Variants in SAMMSON observed in about 807,000 individuals in gnomAD.
SAMMSON encodes the protein survival associated mitochondrial melanoma specific oncogenic non-coding RNA, also known as long intergenic non-protein coding RNA 1212.
At chr3:70,059,086 C>G (rs1180283414) in intron 3 of SAMMSON, among the ~76,000 whole-genome samples, 2 of 152,054 alleles carry the variant, frequency 1.3e-5, no homozygotes, top group African/African-American at 2.4e-5. Context: ...TAACAAGGAG[C>G]TCGTTCTACC....
intron 4 of SAMMSON, among the ~76,000 whole-genome samples, chr3:70,077,189 C>A (rs553849429): frequency 1.3e-4 from 20 of 152,216 alleles, no homozygotes; most frequent in Admixed American, 8.5e-4. Context: ...AAAACTTGCT[C>A]AAATTATAAG....
intron 9 of SAMMSON, among the ~76,000 whole-genome samples, chr3:70,369,490 T>A (rs1480384697): frequency 2.6e-5 from 4 of 151,546 alleles, no homozygotes; most frequent in Non-Finnish European, 5.9e-5. Context: ...CAGTTTAATT[T>A]TTTTTCCGTA....
intron 3 of SAMMSON, among the ~76,000 whole-genome samples, chr3:70,036,388 ACTGT>A (rs2067085184): frequency 1.3e-5 from 2 of 152,050 alleles, no homozygotes; most frequent in South Asian, 2.1e-4. Context: ...GCTCTCCCCC[ACTGT>A]CTGCTCACAT....
chr3:70,028,203 C>T (rs2067050579), intron 3 of SAMMSON, among the ~76,000 whole-genome samples: 1 of 147,932 alleles, frequency 6.8e-6, no homozygotes, highest in Non-Finnish European at 1.5e-5. Context: ...TTCTTTCTTT[C>T]TCTCTTTCTT....
intron 1 of SAMMSON, among the ~76,000 whole-genome samples, chr3:70,009,825 T>C (rs1300094794): frequency 6.6e-6 from 1 of 150,596 alleles, no homozygotes; most frequent in Non-Finnish European, 1.5e-5. Flanking sequence ...TCCCAGAGAT[T>C]CTGGTATGTT....
Position 70,288,249 on chromosome 3 carries a change from G to T in SAMMSON, n.675-2930G>T, listed in dbSNP as rs867877959. ...CTTTGAATGCATCCCAGAGATTCTG[G>T]TATGTTGTGTCTTTGTTCTCGTTGG... On this transcript the variant is annotated intron_variant and non_coding_transcript_variant, in intron 6 of 9. Coordinates refer to ENST00000642114, the Ensembl canonical transcript of SAMMSON. 3.7e-4 allele frequency among the ~76,000 whole-genome samples: 47 copies of T among 128,306 alleles called. 1 individual carries two copies. In the South Asian group the frequency reaches 0.015, roughly 41 times the overall value. 84.2% of individuals were successfully genotyped at this position (128,306 alleles called of 152,430 possible). A position where few individuals can be genotyped will look rare whatever the true frequency, so the allele number is the denominator to read the frequency against.
At chr3:70,173,886 A>T (rs1012983405) in intron 4 of SAMMSON, among the ~76,000 whole-genome samples, 3 of 151,988 alleles carry the variant, frequency 2.0e-5, no homozygotes, top group African/African-American at 7.2e-5. Context: ...GTTGCAGGGA[A>T]ATAATATAGA....
At chr3:70,218,904 G>A (rs1232202112) in intron 4 of SAMMSON, among the ~76,000 whole-genome samples, 1 of 151,996 alleles carries the variant, frequency 6.6e-6, no homozygotes, top group Non-Finnish European at 1.5e-5. Flanking sequence ...ATATTTTAGA[G>A]TGTTAAAATA....
At chr3:70,167,462 C>T in intron 4 of SAMMSON, among the ~76,000 whole-genome samples, 1 of 151,898 alleles carries the variant, frequency 6.6e-6, no homozygotes, top group East Asian at 1.9e-4. Flanking sequence ...CTAAACGTAA[C>T]ATAATATATA....
At chr3:70,240,854 A>T (rs1339110928) in intron 4 of SAMMSON, among the ~76,000 whole-genome samples, 3 of 152,172 alleles carry the variant, frequency 2.0e-5, no homozygotes, top group African/African-American at 7.2e-5. Context: ...ATTCAGTAAT[A>T]TAGGCCCATA....
Position 70,278,756 on chromosome 3 carries a change from A to G in SAMMSON, n.675-12423A>G, listed in dbSNP as rs1702052429. 2.6e-5 allele frequency among the ~76,000 whole-genome samples: 4 copies of G among 152,252 alleles called. No homozygotes were observed. In the South Asian group the frequency reaches 8.3e-4, roughly 32 times the overall value. ...ACATCTAAGTTGGTGCTCTATTTCT[A>G]CCAAGTAATAACTAGGAGGCCTTAA... is the stretch of plus-strand genomic sequence containing the variant. On this transcript the variant is annotated intron_variant and non_coding_transcript_variant, in intron 6 of 9. Coordinates refer to ENST00000642114, the Ensembl canonical transcript of SAMMSON.
chr3:70,335,722 A>G (rs973908919), intron 7 of SAMMSON, among the ~76,000 whole-genome samples: 2 of 151,990 alleles, frequency 1.3e-5, no homozygotes, highest in Non-Finnish European at 2.9e-5. Flanking sequence ...GTTAAATTCA[A>G]TTTACCACCA....
intron 2 of SAMMSON, among the ~76,000 whole-genome samples, chr3:70,403,144 A>G (rs1488935057): frequency 6.6e-6 from 1 of 152,120 alleles, no homozygotes; most frequent in African/African-American, 2.4e-5. Flanking sequence ...TTGCATAATG[A>G]GCAATGAAAT....
chr3:70,405,557 A>T (rs1275260231), intron 2 of SAMMSON, among the ~76,000 whole-genome samples: 3 of 152,198 alleles, frequency 2.0e-5, no homozygotes, highest in Non-Finnish European at 4.4e-5. Flanking sequence ...AACTAAAATA[A>T]CAGATTCACA....
intron 4 of SAMMSON, among the ~76,000 whole-genome samples, chr3:70,148,305 G>A (rs990689637): frequency 4.6e-5 from 7 of 151,982 alleles, no homozygotes; most frequent in African/African-American, 1.7e-4. Context: ...ATAAAAACAA[G>A]TTCACACAAG....
intron 4 of SAMMSON, among the ~76,000 whole-genome samples, chr3:70,186,313 C>T (rs957124895): frequency 2.2e-4 from 33 of 150,782 alleles, no homozygotes; most frequent in African/African-American, 8.1e-4. Flanking sequence ...GGCTCTAGTG[C>T]AGTGGCATGA....
chr3:70,344,830 C>G (rs1193460658), intron 7 of SAMMSON, among the ~76,000 whole-genome samples: 1 of 152,214 alleles, frequency 6.6e-6, no homozygotes. Flanking sequence ...CGTTTCATTA[C>G]AAGATGCTCC....
chr3:70,089,518 C>T (rs975405024), intron 4 of SAMMSON, among the ~76,000 whole-genome samples: 5 of 113,998 alleles, frequency 4.4e-5, no homozygotes, highest in Admixed American at 1.3e-4. Flanking sequence ...TAACATCGTG[C>T]ATTTTTTAGG....
intron 4 of SAMMSON, among the ~76,000 whole-genome samples, chr3:70,153,103 T>C (rs1189444041): frequency 6.6e-6 from 1 of 151,950 alleles, no homozygotes; most frequent in African/African-American, 2.4e-5. Context: ...TATACACATA[T>C]ATATTTTTTC....
Sources: allele counts gnomAD v4.1 joint callset (sites outside exome capture counted in the v4.1 genomes callset), GRCh38; gene constraint gnomAD v4.1.1; transcripts MANE v1.5; gene names NCBI Gene and HGNC (gene_info 2026-07-23, HGNC 2026-07-21).